The following KASH5 variants were observed in gnomAD, a reference collection of about 807,000 sequenced individuals.
The protein encoded by KASH5 is KASH domain containing 5.
A neutral mutation model predicts 84.2 loss-of-function variants in KASH5; 72 were observed. That is an observed-to-expected ratio of 0.85 (90% CI 0.71 to 1.04). The LOEUF (loss-of-function observed/expected upper bound fraction) is 1.04, where lower values mean the gene tolerates loss of function less well. Among genes scored for constraint, KASH5 ranks in the 50% least tolerant of loss-of-function variants. The pLI, the probability that KASH5 is intolerant of heterozygous loss-of-function variation, is 0.00. For missense variants in KASH5, 650 were observed against 701.0 expected (o/e 0.93, Z 0.82); for synonymous variants, 260 against 279.1 (o/e 0.93, Z 0.68).
intron 14 of KASH5, among the ~76,000 whole-genome samples, 185 bp from the exon 15 acceptor site, chr19:49,409,568 C>T (rs1202200478): frequency 6.6e-6 from 1 of 152,164 alleles, no homozygotes; most frequent in African/African-American, 2.4e-5. Context: ...GAACCTAGAC[C>T]TTGGTCCTGG....
At position 49,417,616 on chromosome 19, in the gene KASH5, G is replaced by T; in HGVS notation, c.*106G>T. On this transcript the variant is annotated 3_prime_UTR_variant, in exon 20 of 20. Transcript: ENST00000447857. The surrounding 1 kb of genome is among the most constrained non-coding windows in gnomAD (Gnocchi z 5.2). ...TCCACTGTTGCGCAGGCTTACCCTA[G>T]ATAGAGTACAGGGGATCCACATCCC... 1 of 1,365,342 alleles carries T rather than the reference G, an allele frequency of 7.3e-7. No individual in the cohort carries two copies. Among genetic ancestry groups the T allele is most frequent in the South Asian group, 1.6e-5 (1 of 62,336 alleles). 84.6% of individuals were successfully genotyped at this position (1,365,342 alleles called of 1,614,324 possible).
Position 49,412,884 on chromosome 19 carries a change from C to T in KASH5, c.1270-84C>T, listed in dbSNP as rs527859913. The T allele has an allele frequency of 2.9e-4, 395 of 1,360,922 alleles. 2 individuals carry two copies. Among genetic ancestry groups the T allele is most frequent in the South Asian group, 1.5e-3 (120 of 79,082 alleles). The allele number at this position is 1,360,922 out of a possible 1,614,324, so 84.3% of individuals were successfully genotyped here. ...ACCTTTTGTATATGGGGTCTGGGAC[C>T]GGCGGGGGAGACAGTGGGCACTGTT... is the stretch of plus-strand genomic sequence containing the variant. On this transcript the variant is annotated intron_variant, in intron 15 of 19. Transcript: ENST00000447857. This position sits in a 1 kb window ranked among gnomAD's most constrained non-coding sequence, Gnocchi z 4.6.
At chr19:49,402,449 G>A (rs908125725) in intron 9 of KASH5, among the ~76,000 whole-genome samples, 8 of 152,080 alleles carry the variant, frequency 5.3e-5, no homozygotes, top group Non-Finnish European at 2.9e-5. Context: ...GCTCACGCTT[G>A]TAATCCCAGC....
At chr19:49,397,907 A>G in intron 6 of KASH5, 75 bp from the exon 7 acceptor site, 7 of 1,545,604 alleles carry the variant, frequency 4.5e-6, no homozygotes, top group Non-Finnish European at 5.3e-6. Flanking sequence ...TCTCCCCACC[A>G]CCAGCACCTA....
Position 49,394,579 on chromosome 19 carries a change from A to G in KASH5, c.147A>G (p.Thr49=), listed in dbSNP as rs1197523496. Residue 49 remains threonine (T), a splice_region_variant and synonymous_variant, in exon 3 of 20, where the codon ACA becomes ACG. Coordinates refer to ENST00000447857, the MANE Select transcript of KASH5 (RefSeq NM_144688.5). ...TCGAAGCTTGTGACCCTCAGAGGAC[A>G]GGTGGTGGGGGCATGAGGGGTGCTG... ...STFEACDPQR[T]GTVAVAQVLA... 6.2e-7 allele frequency: 1 copy of G among 1,611,732 alleles called. No homozygotes were observed. The highest frequency in any genetic ancestry group is 1.3e-5 in the African/African-American group (1 of 74,954).
chr19:49,409,311 G>A (rs759891910), intron 14 of KASH5, 28 bp downstream of exon 14: 3 of 1,606,584 alleles, frequency 1.9e-6, no homozygotes, highest in African/African-American at 1.3e-5. Flanking sequence ...GGAATAAGCT[G>A]CAGGCCACCA....
chr19:49,403,780 G>A lies in KASH5; in HGVS notation c.799-3106G>A, dbSNP rs544876425. Among the ~76,000 whole-genome samples, 146 of 152,360 alleles carry A rather than the reference G, an allele frequency of 9.6e-4. 2 individuals carry two copies. The highest frequency in any genetic ancestry group is 3.3e-3 in the African/African-American group (139 of 41,592). On this transcript the variant is annotated intron_variant, in intron 9 of 19. Transcript: ENST00000447857. The stretch of plus-strand genomic sequence containing the variant: ...CTCCTCCCCACCAGGAAGGCCTGCT[G>A]CCAGGTTGAGTGCCTTGAGCAGCAT...
chr19:49,398,558 G>A (rs1379752696), intron 7 of KASH5, among the ~76,000 whole-genome samples: 1 of 151,996 alleles, frequency 6.6e-6, no homozygotes, highest in Non-Finnish European at 1.5e-5. Flanking sequence ...TTATAGAAAT[G>A]AGTTCTCACT....
At chr19:49,413,164 G>A (rs1476742829) in intron 16 of KASH5, 138 bp downstream of exon 16, 2 of 832,160 alleles carry the variant, frequency 2.4e-6, no homozygotes, top group African/African-American at 3.4e-5. Context: ...AGCAGAACCT[G>A]GGCCTGTAGG....
In KASH5 at chr19:49,399,155, C is replaced by G; in HGVS notation, c.747+13C>G. On this transcript the variant is annotated intron_variant, in intron 8 of 19. Transcript: ENST00000447857. This position sits in a 1 kb window ranked among gnomAD's most constrained non-coding sequence, Gnocchi z 4.4. ...AGCCCGGCAGGCGGTGGGTCTGGCCCAGGGGAAGGAAGGTGCCCTCTCTCT... is the reference window on the plus strand; with the variant it reads ...AGCCCGGCAGGCGGTGGGTCTGGCCGAGGGGAAGGAAGGTGCCCTCTCTCT... The G allele has an allele frequency of 6.5e-7, 1 of 1,539,898 alleles. No individual in the cohort carries two copies. Among genetic ancestry groups the G allele is most frequent in the Non-Finnish European group, 8.8e-7 (1 of 1,141,668 alleles).
Position 49,397,724 on chromosome 19 carries a change from A to G in KASH5, c.467+7A>G, listed in dbSNP as rs1380099357. ...AAGACCCCAGACCCGAGCTGTACCTATCCTCACACCCCTCCCTGACCCTCC... is the reference window on the plus strand; with the variant it reads ...AAGACCCCAGACCCGAGCTGTACCTGTCCTCACACCCCTCCCTGACCCTCC... On this transcript the variant is annotated splice_region_variant and intron_variant, in intron 6 of 19. Transcript: ENST00000447857. 1.9e-6 allele frequency: 3 copies of G among 1,613,182 alleles called. No individual in the cohort carries two copies. The highest frequency in any genetic ancestry group is 1.7e-6 in the Non-Finnish European group (2 of 1,179,624).
chr19:49,408,284 G>C (rs948354858), intron 12 of KASH5: 2 of 159,296 alleles, frequency 1.3e-5, no homozygotes, highest in Non-Finnish European at 2.8e-5. Flanking sequence ...GGTCTAGGCT[G>C]TCTGTCTCCC....
At chr19:49,397,902 C>A in intron 6 of KASH5, 80 bp from the exon 7 acceptor site, 2 of 1,529,318 alleles carry the variant, frequency 1.3e-6, no homozygotes, top group East Asian at 2.3e-5. Flanking sequence ...CCACATCTCC[C>A]CACCACCAGC....
chr19:49,397,757 A>C (rs1019821167), intron 6 of KASH5, 40 bp downstream of exon 6: 1 of 1,600,370 alleles, frequency 6.2e-7, no homozygotes, highest in Admixed American at 1.7e-5. Context: ...TCCTGCCCAC[A>C]CCCTGTCCCC....
intron 2 of KASH5, among the ~76,000 whole-genome samples, chr19:49,392,806 G>A (rs1266423990): frequency 6.6e-6 from 1 of 152,072 alleles, no homozygotes; most frequent in African/African-American, 2.4e-5. Context: ...CAGCTACTCG[G>A]GAGGCTGACG....
In KASH5 at chr19:49,390,868, G is replaced by A. The variant is rs770758635; in HGVS notation, c.-16G>A. The A allele has an allele frequency of 9.5e-6, 15 of 1,584,090 alleles. No individual in the cohort carries two copies. Among genetic ancestry groups the A allele is most frequent in the South Asian group, 5.7e-5 (5 of 87,518 alleles). On this transcript the variant is annotated 5_prime_UTR_variant, in exon 2 of 20. Coordinates refer to ENST00000447857, the MANE Select transcript of KASH5 (RefSeq NM_144688.5). Reference sequence around the variant, plus strand: ...TGGTAGCTTTGCCAGCAGCTGCGCCGCGGCAGGGGTGGCCCATGGACCTGC... The same window carrying A: ...TGGTAGCTTTGCCAGCAGCTGCGCCACGGCAGGGGTGGCCCATGGACCTGC...
intron 15 of KASH5, among the ~76,000 whole-genome samples, chr19:49,411,923 GGAAGGAA>G (rs1408437029): frequency 1.2e-3 from 12 of 10,384 alleles, no homozygotes; most frequent in Admixed American, 3.1e-3. Context: ...AAGGAGGGAA[GGAAGGAA>G]GGAAGGAAGG....
chr19:49,391,273 C>T (rs771646754), intron 2 of KASH5, among the ~76,000 whole-genome samples: 1 of 152,162 alleles, frequency 6.6e-6, no homozygotes, highest in Non-Finnish European at 1.5e-5. Context: ...CATTTCTCTT[C>T]ACAGTGCTCA....
chr19:49,390,576 C>T (rs1973969210), intron 1 of KASH5, among the ~76,000 whole-genome samples: 1 of 152,158 alleles, frequency 6.6e-6, no homozygotes, highest in Admixed American at 6.5e-5. Context: ...GTGACCTCCC[C>T]CACCCACCCA....
Sources: allele counts gnomAD v4.1 joint callset (sites outside exome capture counted in the v4.1 genomes callset), GRCh38; gene constraint gnomAD v4.1.1; non-coding constraint Gnocchi (gnomAD v3.1); transcripts MANE v1.5; gene names NCBI Gene and HGNC (gene_info 2026-07-23, HGNC 2026-07-21).